AREL1: variants seen among roughly 807,000 people sequenced by gnomAD.
AREL1 encodes apoptosis-resistant E3 ubiquitin protein ligase 1.
In AREL1, 62 loss-of-function variants were observed where a neutral mutation model predicts 99.0. The ratio of observed to expected loss-of-function variants is 0.63; its 90% CI spans 0.51 to 0.77. The LOEUF is 0.77. Among genes scored for constraint, AREL1 ranks in the 30% least tolerant of loss-of-function variants. The probability of loss-of-function intolerance (pLI) is 0.00; values close to 1 mark genes in which losing one functional copy is unlikely to be tolerated. For missense variants in AREL1, 879 were observed against 1,027.6 expected, an observed-to-expected ratio of 0.86 and a Z score of 1.98; for synonymous variants, 380 against 376.5, an observed-to-expected ratio of 1.01 and a Z score of -0.11.
At chr14:74,672,977 T>A (rs1025196694) in intron 10 of AREL1, 25 bp from the exon 11 acceptor site, 2 of 1,614,034 alleles carry the variant, frequency 1.2e-6, no homozygotes, top group Non-Finnish European at 1.7e-6. Flanking sequence ...GATCCATCAT[T>A]ACAGCCTCAT....
rs747264626 is a variant in AREL1 at position 74,683,256 on chromosome 14, G to C, written c.481+40C>G. On this transcript the variant is annotated intron_variant, in intron 5 of 19. Coordinates refer to ENST00000356357, the MANE Select transcript of AREL1 (RefSeq NM_001039479.2). ...AAGACAGGATGGAAAGAGAGAGAGG[G>C]AAGGAGACAAAGGGAAAAAGAAAGG... 40 of 1,394,440 alleles carry C rather than the reference G, an allele frequency of 2.9e-5. No homozygotes were observed. The Admixed American group carries it at 7.1e-4, about 25-fold the overall frequency. The allele number at this position is 1,394,440 out of a possible 1,614,324, so 86.4% of individuals were successfully genotyped here.
intron 3 of AREL1, among the ~76,000 whole-genome samples, chr14:74,684,911 A>C (rs538116165): frequency 2.0e-5 from 3 of 152,326 alleles, no homozygotes; most frequent in East Asian, 3.9e-4. Context: ...TATTTTGGTA[A>C]ATAAAGTTCC....
In AREL1 at chr14:74,713,023, CCCA is replaced by C; in HGVS notation, c.-427_-425del. 1.9e-6 allele frequency: 2 copies of C among 1,074,362 alleles called. No individual in the cohort carries two copies. The highest frequency in any genetic ancestry group is 2.9e-6 in the Non-Finnish European group (2 of 701,112). The allele number at this position is 1,074,362 out of a possible 1,614,324, so 66.6% of individuals were successfully genotyped here. ...CAGCAGAAGACGGGCTCCCCACTCT[CCCA>C]CCAACAGACCCCAGAGTTGGTCTCC... On this transcript the variant is annotated 5_prime_UTR_variant, in exon 1 of 20. Coordinates refer to ENST00000356357, the MANE Select transcript of AREL1 (RefSeq NM_001039479.2).
chr14:74,688,061 T>G (rs1225259528), intron 2 of AREL1, among the ~76,000 whole-genome samples: 1 of 138,800 alleles, frequency 7.2e-6, no homozygotes, highest in Admixed American at 7.7e-5. Context: ...AGTCTCACAC[T>G]GTCACCCAGG....
In AREL1 at chr14:74,711,007, G is replaced by A. The variant is rs140095297; in HGVS notation, c.-334+1926C>T. Among the ~76,000 whole-genome samples the A allele has an allele frequency of 6.7e-3, 997 of 149,222 alleles. 17 individuals carry two copies. The highest frequency in any genetic ancestry group is 0.038 in the East Asian group (188 of 4,930). On this transcript the variant is annotated intron_variant, in intron 1 of 19. Transcript: ENST00000356357. ...AGCACTTTGGGAGGCCAAGGTGGGCGGATCACCTGAGGTCGGGAGTTCAAG... is the reference window on the plus strand; with the variant it reads ...AGCACTTTGGGAGGCCAAGGTGGGCAGATCACCTGAGGTCGGGAGTTCAAG...
Position 74,662,790 on chromosome 14 carries a change from A to T in AREL1, c.*930T>A, listed in dbSNP as rs767212604. 1 of 393,308 alleles carries T rather than the reference A, an allele frequency of 2.5e-6. No individual in the cohort carries two copies. The highest frequency in any genetic ancestry group is 4.5e-6 in the Non-Finnish European group (1 of 223,384). The allele number at this position is 393,308 out of a possible 1,614,324, so 24.4% of individuals were successfully genotyped here. On this transcript the variant is annotated 3_prime_UTR_variant, in exon 20 of 20. Coordinates refer to ENST00000356357, the MANE Select transcript of AREL1 (RefSeq NM_001039479.2). Reference sequence around the variant, plus strand: ...GCTGGCATACTATTCTTACTGTTCTAATCTTTTGCTACAAAATTTTCTTCA... The same window carrying T: ...GCTGGCATACTATTCTTACTGTTCTTATCTTTTGCTACAAAATTTTCTTCA...
chr14:74,670,913 T>A, intron 12 of AREL1, 42 bp from the exon 13 acceptor site: 3 of 1,513,314 alleles, frequency 2.0e-6, no homozygotes, highest in Non-Finnish European at 2.7e-6. Flanking sequence ...CTGCCCTCCC[T>A]CCTCTTACCA....
chr14:74,699,824 T>C (rs2090050292), intron 1 of AREL1, among the ~76,000 whole-genome samples: 1 of 152,178 alleles, frequency 6.6e-6, no homozygotes, highest in Non-Finnish European at 1.5e-5. Flanking sequence ...AAAATGGAGA[T>C]GCACTGAGAA....
intron 18 of AREL1, among the ~76,000 whole-genome samples, chr14:74,664,613 ATT>A (rs747317541): frequency 5.9e-5 from 7 of 117,976 alleles, no homozygotes; most frequent in East Asian, 2.4e-4. Flanking sequence ...CACCCAGCTA[ATT>A]TTTTTTTTTT....
chr14:74,698,087 TATATTCATAG>T (rs2090010531), intron 1 of AREL1, among the ~76,000 whole-genome samples: 1 of 152,184 alleles, frequency 6.6e-6, no homozygotes, highest in Non-Finnish European at 1.5e-5. Flanking sequence ...ATATGTTGAA[TATATTCATAG>T]ATATTCTGAA....
chr14:74,682,458 A>G (rs1298767192), intron 5 of AREL1, among the ~76,000 whole-genome samples: 1 of 152,246 alleles, frequency 6.6e-6, no homozygotes, highest in African/African-American at 2.4e-5. Context: ...ACAGTACCCA[A>G]AAGTAGAAAC....
In AREL1 at chr14:74,670,831, T is replaced by C. The variant is rs1325719598; in HGVS notation, c.1539A>G (p.Leu513=). The part of the protein sequence containing the change: ...WGGPRREWFE[L]ICKALFDTTN... ...TGGTATCAAATAGTGCTTTGCAGAT[T>C]AGCTCAAACCATTCCCGGCGAGGCC... Residue 513 remains leucine, a synonymous_variant, in exon 13 of 20, where the codon CTA becomes CTG. Coordinates refer to ENST00000356357, the MANE Select transcript of AREL1 (RefSeq NM_001039479.2). 7.4e-6 allele frequency: 12 copies of C among 1,614,040 alleles called. No individual in the cohort carries two copies. In the African/African-American group the frequency reaches 1.5e-4, roughly 20 times the overall value.
At chr14:74,699,539 A>T (rs1181719535) in intron 1 of AREL1, among the ~76,000 whole-genome samples, 1 of 152,216 alleles carries the variant, frequency 6.6e-6, no homozygotes, top group East Asian at 1.9e-4. Flanking sequence ...GGTAAATGTT[A>T]TAATTATCTA....
At chr14:74,708,478 G>A (rs930254529) in intron 1 of AREL1, among the ~76,000 whole-genome samples, 4 of 152,112 alleles carry the variant, frequency 2.6e-5, no homozygotes, top group Non-Finnish European at 5.9e-5. Context: ...GTTCCTAATA[G>A]GTTTACCATA....
intron 1 of AREL1, among the ~76,000 whole-genome samples, chr14:74,698,278 T>A (rs1392335564): frequency 7.2e-5 from 11 of 152,190 alleles, no homozygotes; most frequent in Admixed American, 7.2e-4. Flanking sequence ...TTCTGCTATG[T>A]TTCCCCATCC....
intron 1 of AREL1, among the ~76,000 whole-genome samples, chr14:74,706,020 G>A (rs931860333): frequency 6.6e-6 from 1 of 152,156 alleles, no homozygotes; most frequent in African/African-American, 2.4e-5. Context: ...GCTCATCCAT[G>A]TCACTGTCCC....
At chr14:74,683,556 A>G (rs2089681878) in intron 4 of AREL1, 23 bp from the exon 5 acceptor site, 1 of 1,607,232 alleles carries the variant, frequency 6.2e-7, no homozygotes, top group Non-Finnish European at 8.5e-7. Flanking sequence ...GAAGAAGGAC[A>G]CCTGTTAGCA....
At chr14:74,673,975 C>A in intron 9 of AREL1, 59 bp downstream of exon 9, 1 of 1,437,318 alleles carries the variant, frequency 7.0e-7, no homozygotes, top group Non-Finnish European at 9.7e-7. Context: ...AAATAAAAGG[C>A]TGAGATAGTC....
At chr14:74,671,355 G>A (rs923781643) in intron 12 of AREL1, 53 bp downstream of exon 12, 4 of 397,848 alleles carry the variant, frequency 1.0e-5, no homozygotes, top group Admixed American at 3.7e-5. Context: ...TGTGGAGAAG[G>A]TGCGAGTGGG....
Sources: gnomAD v4.1 joint callset for allele counts (sites outside exome capture counted in the v4.1 genomes callset) on GRCh38, gnomAD v4.1.1 for gene constraint, MANE v1.5 for transcripts, NCBI Gene and HGNC (gene_info 2026-07-23, HGNC 2026-07-21) for gene names.